The following RBM19 variants were observed in gnomAD, a reference collection of about 807,000 sequenced individuals.
The protein encoded by RBM19 is RNA binding motif protein 19.
RBM19 carries 94 observed loss-of-function variants against 116.8 expected under a neutral mutation model. That is an observed-to-expected ratio of 0.80 (90% CI 0.68 to 0.95). The LOEUF is 0.95. Ranked by LOEUF, RBM19 falls within the 40% of genes least tolerant of loss-of-function variation. The probability of loss-of-function intolerance (pLI) is 0.00; values close to 1 mark genes in which losing one functional copy is unlikely to be tolerated. For missense variants in RBM19, 1,161 were observed against 1,220.7 expected (o/e 0.95, Z 0.73); for synonymous variants, 475 against 494.1 (o/e 0.96, Z 0.51).
intron 1 of RBM19, among the ~76,000 whole-genome samples, chr12:113,963,386 G>T (rs1441210750): frequency 6.6e-6 from 1 of 152,188 alleles, no homozygotes; most frequent in African/African-American, 2.4e-5. Flanking sequence ...TTGTGTGTGT[G>T]GTAGTGGAGT....
intron 23 of RBM19, 61 bp from the exon 24 acceptor site, chr12:113,823,382 A>G: frequency 1.4e-6 from 2 of 1,464,042 alleles, no homozygotes; most frequent in South Asian, 2.3e-5. Context: ...GGGAGGCAGG[A>G]AGAGAGAAAT....
At chr12:113,924,894 G>C in intron 17 of RBM19, 137 bp from the exon 18 acceptor site, 1 of 712,590 alleles carries the variant, frequency 1.4e-6, no homozygotes, top group Non-Finnish European at 2.5e-6. Flanking sequence ...GATGAGTGAT[G>C]ACCTCCTTTA....
intron 23 of RBM19, among the ~76,000 whole-genome samples, chr12:113,834,037 T>C (rs1327547211): frequency 1.3e-5 from 2 of 152,186 alleles, no homozygotes; most frequent in Admixed American, 1.3e-4. Context: ...TGAGCCACTG[T>C]ATCAACCATA....
intron 21 of RBM19, among the ~76,000 whole-genome samples, chr12:113,893,214 A>G (rs1881075997): frequency 6.6e-6 from 1 of 151,972 alleles, no homozygotes; most frequent in Non-Finnish European, 1.5e-5. Flanking sequence ...AATTTTTTGT[A>G]GAGACACACT....
intron 21 of RBM19, among the ~76,000 whole-genome samples, chr12:113,889,694 C>A (rs1331568409): frequency 6.6e-6 from 1 of 151,740 alleles, no homozygotes; most frequent in African/African-American, 2.4e-5. Context: ...ACAAAAAGAC[C>A]CCAAAACCCA....
intron 22 of RBM19, among the ~76,000 whole-genome samples, chr12:113,856,548 TC>T: frequency 6.6e-6 from 1 of 152,332 alleles, no homozygotes; most frequent in East Asian, 1.9e-4. Context: ...GCCTTTGCTC[TC>T]TGCTCTCATC....
At chr12:113,856,694 C>T (rs186552947) in intron 22 of RBM19, among the ~76,000 whole-genome samples, 65 of 152,286 alleles carry the variant, frequency 4.3e-4, no homozygotes, top group African/African-American at 1.5e-3. Flanking sequence ...AAAAGAGGCC[C>T]AGTGGGTGGC....
chr12:113,959,076 G>T, intron 5 of RBM19, 136 bp downstream of exon 5: 1 of 832,470 alleles, frequency 1.2e-6, no homozygotes, highest in Non-Finnish European at 1.9e-6. Flanking sequence ...CACCTGCAGA[G>T]GGATCATCAC....
intron 18 of RBM19, among the ~76,000 whole-genome samples, chr12:113,924,188 T>C (rs1004628692): frequency 1.1e-4 from 16 of 152,212 alleles, no homozygotes; most frequent in African/African-American, 3.9e-4. Flanking sequence ...ATGTACCCAC[T>C]GGCCTGGGAG....
intron 6 of RBM19, 104 bp downstream of exon 6, chr12:113,957,678 C>A: frequency 1.4e-6 from 2 of 1,450,752 alleles, no homozygotes; most frequent in South Asian, 1.6e-5. Context: ...TGCAGAGCTG[C>A]GTCTTTCCCC....
At chr12:113,943,747 C>G (rs925271539) in intron 13 of RBM19, among the ~76,000 whole-genome samples, 16 of 152,082 alleles carry the variant, frequency 1.1e-4, no homozygotes, top group Admixed American at 5.2e-4. Flanking sequence ...TGCTTGAACC[C>G]GAGAGGCAGA....
intron 18 of RBM19, among the ~76,000 whole-genome samples, chr12:113,924,242 CGGT>C (rs1868856833): frequency 6.6e-6 from 1 of 152,134 alleles, no homozygotes; most frequent in South Asian, 2.1e-4. Context: ...GTTAATGACT[CGGT>C]AGAACGTTCC....
intron 21 of RBM19, among the ~76,000 whole-genome samples, chr12:113,907,903 C>T (rs1451701121): frequency 6.6e-6 from 1 of 152,182 alleles, no homozygotes; most frequent in Admixed American, 6.5e-5. Flanking sequence ...CCCAAAGCAC[C>T]AGGCAATAAT....
At chr12:113,901,183 C>G (rs114897925) in intron 21 of RBM19, among the ~76,000 whole-genome samples, 5,022 of 152,220 alleles carry the variant, frequency 0.033, 259 homozygotes, top group African/African-American at 0.11. Context: ...ATAAAATGTA[C>G]TTACTAGGTC....
chr12:113,823,163 A>G lies in RBM19; in HGVS notation c.*61T>C. 1 of 1,473,172 alleles carries G rather than the reference A, an allele frequency of 6.8e-7. No homozygotes were observed. The highest frequency in any genetic ancestry group is 9.3e-7 in the Non-Finnish European group (1 of 1,070,710). The allele number at this position is 1,473,172 out of a possible 1,614,324, so 91.3% of individuals were successfully genotyped here. A position where few individuals can be genotyped will look rare whatever the true frequency, so the allele number is the denominator to read the frequency against. Reference sequence around the variant, plus strand: ...CCAGCCCACATGGTGGTGAGTGCAGAAGCTGGAGCGGCTGTCCCGGTCCCC... The same window carrying G: ...CCAGCCCACATGGTGGTGAGTGCAGGAGCTGGAGCGGCTGTCCCGGTCCCC... On this transcript the variant is annotated 3_prime_UTR_variant, in exon 24 of 24. Transcript: ENST00000261741.
chr12:113,869,527 C>G (rs1175622119), intron 21 of RBM19, among the ~76,000 whole-genome samples: 1 of 152,182 alleles, frequency 6.6e-6, no homozygotes, highest in African/African-American at 2.4e-5. Context: ...CACTTTCTCC[C>G]CCTCTAGTCT....
At chr12:113,871,795 T>C (rs899824336) in intron 21 of RBM19, among the ~76,000 whole-genome samples, 11 of 151,904 alleles carry the variant, frequency 7.2e-5, no homozygotes, top group Non-Finnish European at 1.0e-4. Flanking sequence ...GAAAAGGCAC[T>C]GTGTCTCAGT....
chr12:113,958,104 A>T (rs1872136385), intron 5 of RBM19, 54 bp from the exon 6 acceptor site: 1 of 1,550,904 alleles, frequency 6.4e-7, no homozygotes, highest in African/African-American at 1.4e-5. Flanking sequence ...ACCAGAGGTC[A>T]GAGGTAGCAA....
chr12:113,936,247 A>G (rs1199231990), intron 16 of RBM19, among the ~76,000 whole-genome samples: 1 of 152,182 alleles, frequency 6.6e-6, no homozygotes, highest in Non-Finnish European at 1.5e-5. Context: ...GTTATTACTG[A>G]CAAGGAAAAT....
Sources: gnomAD v4.1 joint callset for allele counts (sites outside exome capture counted in the v4.1 genomes callset) on GRCh38, gnomAD v4.1.1 for gene constraint, MANE v1.5 for transcripts, NCBI Gene and HGNC (gene_info 2026-07-23, HGNC 2026-07-21) for gene names.